Variants in PCDH15 observed in about 807,000 individuals in gnomAD.
PCDH15 encodes protocadherin-15.
Under a neutral mutation model 178.5 loss-of-function variants are expected in PCDH15, and 129 were observed. The observed-to-expected ratio is 0.72, with a 90% CI of 0.63 to 0.84. The LOEUF is 0.84. Among genes scored for constraint, PCDH15 ranks in the 40% least tolerant of loss-of-function variants. PCDH15 has a pLI of 0.00. For missense variants in PCDH15, 2,230 were observed against 2,099.9 expected (o/e 1.06, Z -1.21); for synonymous variants, 800 against 732.0 (o/e 1.09, Z -1.50).
intron 9 of PCDH15, among the ~76,000 whole-genome samples, chr10:54,230,466 T>C (rs1043901501): frequency 6.6e-6 from 1 of 152,142 alleles, no homozygotes; most frequent in South Asian, 2.1e-4. Context: ...CTGTGAAATA[T>C]GAAATACACA....
rs2132350072 is a variant in PCDH15, at chr10:53,806,427, A to ATCTG, written c.*148_*151dup. The ATCTG allele has an allele frequency of 4.5e-6, 3 of 671,158 alleles. No individual in the cohort carries two copies. The highest frequency in any genetic ancestry group is 2.8e-5 in the East Asian group (1 of 36,110). The allele number at this position is 671,158 out of a possible 1,614,324, so 41.6% of individuals were successfully genotyped here. A position where few individuals can be genotyped will look rare whatever the true frequency, so the allele number is the denominator to read the frequency against. On this transcript the variant is annotated 3_prime_UTR_variant, in exon 38 of 38. Coordinates refer to ENST00000644397, the MANE Select transcript of PCDH15 (RefSeq NM_001384140.1). The stretch of plus-strand genomic sequence containing the variant: ...TTAATTGATAACAATGTGAGTGCAA[A>ATCTG]TCTGTCTCTTAAAATTTTAAAGCAT...
At chr10:55,372,083 T>C (rs1041014547) in intron 2 of PCDH15, among the ~76,000 whole-genome samples, 1 of 152,156 alleles carries the variant, frequency 6.6e-6, no homozygotes, top group Admixed American at 6.6e-5. Flanking sequence ...ATTGTTTCAA[T>C]TAAATAAAAT....
intron 6 of PCDH15, among the ~76,000 whole-genome samples, chr10:54,338,209 C>G (rs768897204): frequency 6.6e-6 from 1 of 152,056 alleles, no homozygotes; most frequent in Non-Finnish European, 1.5e-5. Flanking sequence ...ACAAAGAAGG[C>G]CTTTACACCA....
chr10:55,435,200 T>C lies in PCDH15; in HGVS notation c.-156+192425A>G, dbSNP rs1356815840. Among the ~76,000 whole-genome samples, 3 of 152,156 alleles carry C rather than the reference T, an allele frequency of 2.0e-5. 1 individual carries two copies. Among genetic ancestry groups the C allele is most frequent in the Admixed American group, 1.3e-4 (2 of 15,272 alleles). Reference sequence around the variant, plus strand: ...ATAAGGTGCAAGGCTTTCATAAATATAGATACTACATAGATATATACCTAT... The same window carrying C: ...ATAAGGTGCAAGGCTTTCATAAATACAGATACTACATAGATATATACCTAT... On this transcript the variant is annotated intron_variant, in intron 2 of 5. Transcript: ENST00000613346.
chr10:55,181,541 T>G lies in PCDH15; in HGVS notation c.-155-14890A>C, dbSNP rs2132134947. Among the ~76,000 whole-genome samples the G allele has an allele frequency of 2.6e-5, 4 of 152,082 alleles. No homozygotes were observed. In the South Asian group the frequency reaches 8.3e-4, roughly 31 times the overall value. ...ATATTTAAAGGATCTTCATCACTCA[T>G]CTGTTTCATTGTTAGTTTTTAAGGA... On this transcript the variant is annotated intron_variant, in intron 1 of 5. Transcript: ENST00000458638.
At chr10:54,896,688 T>C (rs1954551402) in intron 3 of PCDH15, among the ~76,000 whole-genome samples, 1 of 152,160 alleles carries the variant, frequency 6.6e-6, no homozygotes, top group African/African-American at 2.4e-5. Context: ...TGCACTTTCT[T>C]CCTTCCTTTT....
intron 23 of PCDH15, among the ~76,000 whole-genome samples, 185 bp downstream of exon 23, chr10:53,959,547 A>G (rs2088050532): frequency 6.6e-6 from 1 of 152,140 alleles, no homozygotes; most frequent in Non-Finnish European, 1.5e-5. Context: ...TTACTAAAAC[A>G]TATTTTATAC....
chr10:54,318,201 G>C (rs571003001), intron 7 of PCDH15, among the ~76,000 whole-genome samples: 1 of 152,270 alleles, frequency 6.6e-6, no homozygotes, highest in African/African-American at 2.4e-5. Flanking sequence ...CCCAGTTTCT[G>C]TGGGAGGTTA....
chr10:55,134,187 G>C (rs1324931690), intron 2 of PCDH15, among the ~76,000 whole-genome samples: 1 of 151,980 alleles, frequency 6.6e-6, no homozygotes, highest in Non-Finnish European at 1.5e-5. Context: ...CCAGCTATAG[G>C]GGGAGCCTTG....
At chr10:53,925,671 T>C (rs150520766) in intron 25 of PCDH15, among the ~76,000 whole-genome samples, 1 of 152,322 alleles carries the variant, frequency 6.6e-6, no homozygotes, top group Non-Finnish European at 1.5e-5. Flanking sequence ...TGGATTTTTG[T>C]TTGCCTTTAT....
At chr10:55,405,518 A>G (rs1194171457) in intron 2 of PCDH15, among the ~76,000 whole-genome samples, 1 of 151,408 alleles carries the variant, frequency 6.6e-6, no homozygotes, top group African/African-American at 2.4e-5. Flanking sequence ...AATTTTTTGT[A>G]GTGTTCTAAG....
intron 1 of PCDH15, among the ~76,000 whole-genome samples, chr10:55,255,319 G>A (rs1406928577): frequency 6.6e-6 from 1 of 152,142 alleles, no homozygotes; most frequent in Non-Finnish European, 1.5e-5. Context: ...TCCATGGTGT[G>A]TATGTGCCAC....
At position 54,686,567 on chromosome 10, in the gene PCDH15, C is replaced by G. The variant is rs182436296; in HGVS notation, c.-28-22277G>C. ...TGAGTCTTACATTTACGTCAATAAC[C>G]TATTTTGAATTTTTTGTGTGTATGG... On this transcript the variant is annotated intron_variant, in intron 1 of 37. Coordinates refer to ENST00000644397, the MANE Select transcript of PCDH15 (RefSeq NM_001384140.1). 3.9e-5 allele frequency among the ~76,000 whole-genome samples: 6 copies of G among 152,058 alleles called. No homozygotes were observed. The South Asian group carries it at 1.2e-3, about 32-fold the overall frequency.
At chr10:54,511,156 AT>A (rs1024897910) in intron 3 of PCDH15, among the ~76,000 whole-genome samples, 1 of 152,064 alleles carries the variant, frequency 6.6e-6, no homozygotes, top group African/African-American at 2.4e-5. Flanking sequence ...TTTAAGAATA[AT>A]TTTTTTCCTG....
At chr10:54,667,771 T>C (rs1181644744) in intron 1 of PCDH15, among the ~76,000 whole-genome samples, 1 of 152,114 alleles carries the variant, frequency 6.6e-6, no homozygotes, top group Non-Finnish European at 1.5e-5. Context: ...CTAAAAAGAA[T>C]TGTAGGTGAC....
At chr10:54,397,370 T>A (rs561296000) in intron 3 of PCDH15, among the ~76,000 whole-genome samples, 8 of 152,056 alleles carry the variant, frequency 5.3e-5, no homozygotes, top group Non-Finnish European at 1.0e-4. Context: ...TTAAATGTGG[T>A]CCAAACTCAG....
intron 2 of PCDH15, among the ~76,000 whole-genome samples, chr10:55,558,579 T>C (rs1842135025): frequency 6.6e-6 from 1 of 152,174 alleles, no homozygotes; most frequent in Non-Finnish European, 1.5e-5. Context: ...AAATAATGTA[T>C]AATGCCTATG....
At chr10:54,517,002 G>A (rs2082299903) in intron 3 of PCDH15, among the ~76,000 whole-genome samples, 1 of 151,988 alleles carries the variant, frequency 6.6e-6, no homozygotes, top group South Asian at 2.1e-4. Flanking sequence ...TTACAGACAA[G>A]CAAATGCTGA....
At chr10:55,585,146 A>T (rs1589156776) in intron 2 of PCDH15, among the ~76,000 whole-genome samples, 2 of 152,092 alleles carry the variant, frequency 1.3e-5, no homozygotes, top group Admixed American at 1.3e-4. Context: ...CTCTTTGCAA[A>T]TAACCTAAAA....
Sources: gnomAD v4.1 joint callset for allele counts (sites outside exome capture counted in the v4.1 genomes callset) on GRCh38, gnomAD v4.1.1 for gene constraint, MANE v1.5 for transcripts, NCBI Gene and HGNC (gene_info 2026-07-23, HGNC 2026-07-21) for gene names.